Variants in MINDY2 observed in about 807,000 individuals in gnomAD.
The protein encoded by MINDY2 is MINDY lysine 48 deubiquitinase 2, also known as ubiquitin carboxyl-terminal hydrolase MINDY-2.
MINDY2 carries 52 observed loss-of-function variants against 68.2 expected under a neutral mutation model. That is an observed-to-expected ratio of 0.76 (90% CI 0.61 to 0.96). The LOEUF is 0.96. Ranked by LOEUF, MINDY2 falls within the 40% of genes least tolerant of loss-of-function variation. MINDY2 has a pLI of 0.00. For synonymous variants in MINDY2, 372 were observed against 303.0 expected (o/e 1.23, Z -2.36); for missense variants, 881 against 773.4 (o/e 1.14, Z -1.65).
intron 6 of MINDY2, among the ~76,000 whole-genome samples, chr15:58,833,114 T>C (rs2031821612): frequency 6.6e-6 from 1 of 152,204 alleles, no homozygotes. Flanking sequence ...GTTCAGAAGT[T>C]TGTCAACTTA....
At chr15:58,783,132 G>A (rs1397284597) in intron 1 of MINDY2, among the ~76,000 whole-genome samples, 1 of 151,760 alleles carries the variant, frequency 6.6e-6, no homozygotes, top group Non-Finnish European at 1.5e-5. Context: ...TGTTAGCCAG[G>A]CTGGTCTTGA....
intron 6 of MINDY2, among the ~76,000 whole-genome samples, chr15:58,843,007 A>G (rs922410237): frequency 3.9e-5 from 6 of 152,212 alleles, no homozygotes; most frequent in Non-Finnish European, 5.9e-5. Flanking sequence ...TAGGAGTAGT[A>G]ATTTCATTTT....
intron 5 of MINDY2, among the ~76,000 whole-genome samples, chr15:58,826,800 T>C (rs1953070151): frequency 6.6e-6 from 1 of 152,168 alleles, no homozygotes; most frequent in Middle Eastern, 3.2e-3. Context: ...CATTTAGTTG[T>C]CACATCTCTT....
At chr15:58,772,795 G>A (rs1595691590) in intron 1 of MINDY2, among the ~76,000 whole-genome samples, 1 of 152,112 alleles carries the variant, frequency 6.6e-6, no homozygotes, top group Admixed American at 6.5e-5. Flanking sequence ...TAACTTCTTG[G>A]TTTTCAAAGA....
rs1028449811 is a variant in MINDY2 at position 58,859,031 on chromosome 15, C to G, written c.*4421C>G. On this transcript the variant is annotated 3_prime_UTR_variant, in exon 9 of 9. Coordinates refer to ENST00000559228, the MANE Select transcript of MINDY2 (RefSeq NM_001040450.3). ...TTAATTTATCACAAATATTACACATCCTATGTTCTTGAATGTGCACACTTT... is the reference window on the plus strand; with the variant it reads ...TTAATTTATCACAAATATTACACATGCTATGTTCTTGAATGTGCACACTTT... 5 of 152,026 alleles carry G rather than the reference C, an allele frequency of 3.3e-5. No individual in the cohort carries two copies. Among genetic ancestry groups the G allele is most frequent in the Admixed American group, 1.3e-4 (2 of 15,266 alleles). The allele number at this position is 152,026 out of a possible 1,614,324, so 9.4% of individuals were successfully genotyped here. A position where few individuals can be genotyped will look rare whatever the true frequency, so the allele number is the denominator to read the frequency against.
chr15:58,801,559 A>G (rs1902663199), intron 2 of MINDY2, among the ~76,000 whole-genome samples: 2 of 152,174 alleles, frequency 1.3e-5, no homozygotes, highest in Non-Finnish European at 2.9e-5. Context: ...GTTGCCACAT[A>G]TACCAAAAGG....
At chr15:58,794,358 G>GGGGTGT (rs1555429190) in intron 2 of MINDY2, among the ~76,000 whole-genome samples, 72 of 139,180 alleles carry the variant, frequency 5.2e-4, no homozygotes, top group Admixed American at 3.3e-3. Flanking sequence ...TTTTTTTTGG[G>GGGGTGT]GTGTGTGTGT....
intron 1 of MINDY2, among the ~76,000 whole-genome samples, chr15:58,774,838 T>C (rs943553678): frequency 2.0e-5 from 3 of 152,158 alleles, no homozygotes; most frequent in Non-Finnish European, 2.9e-5. Flanking sequence ...GTAAACGAAA[T>C]GGTGGTAATA....
intron 1 of MINDY2, among the ~76,000 whole-genome samples, chr15:58,782,909 C>CTTTTTTTT (rs1319309591): frequency 1.5e-5 from 1 of 65,986 alleles, no homozygotes; most frequent in Non-Finnish European, 3.2e-5. Context: ...TTTTTTCTCT[C>CTTTTTTTT]TGTTTTTTTT....
intron 2 of MINDY2, among the ~76,000 whole-genome samples, chr15:58,795,147 G>C (rs1310303444): frequency 6.6e-6 from 1 of 151,668 alleles, no homozygotes; most frequent in Admixed American, 6.6e-5. Context: ...CTGCACTCCA[G>C]CCTGGGCACC....
At chr15:58,784,579 G>C (rs1648532) in intron 1 of MINDY2, among the ~76,000 whole-genome samples, 74,213 of 149,810 alleles carry the variant, frequency 0.5, 21,124 homozygotes, top group East Asian at 0.84. Flanking sequence ...ATAGGTCATA[G>C]TTGATTTGTC....
At chr15:58,794,672 G>C (rs1902165471) in intron 2 of MINDY2, among the ~76,000 whole-genome samples, 1 of 152,054 alleles carries the variant, frequency 6.6e-6, no homozygotes, top group Non-Finnish European at 1.5e-5. Context: ...ATTCCACTTT[G>C]AGGTTCACTG....
intron 2 of MINDY2, among the ~76,000 whole-genome samples, chr15:58,797,588 AT>A (rs1223075967): frequency 6.6e-6 from 1 of 152,180 alleles, no homozygotes; most frequent in Middle Eastern, 3.2e-3. Context: ...TTAAAATTAC[AT>A]TTGAGCTCAA....
At chr15:58,846,444 T>C (rs989484607) in intron 6 of MINDY2, among the ~76,000 whole-genome samples, 2 of 151,834 alleles carry the variant, frequency 1.3e-5, no homozygotes, top group Admixed American at 6.6e-5. Context: ...ATACAAAAAA[T>C]TAGCTGGGCA....
rs753541761 is a variant in MINDY2 at position 58,771,604 on chromosome 15, C to T, written c.209C>T (p.Ala70Val). 1 of 1,611,948 alleles carries T rather than the reference C, an allele frequency of 6.2e-7. No individual in the cohort carries two copies. Among genetic ancestry groups the T allele is most frequent in the South Asian group, 1.1e-5 (1 of 91,058 alleles). ...RRSLPDSASP[A>V]GSPEVPGPCS... ...AGCCTCCCGGACTCGGCTTCTCCCG[C>T]GGGCTCTCCTGAGGTTCCCGGACCC... Residue 70 changes from alanine to valine, a missense_variant, in exon 1 of 9, where the codon GCG (alanine) becomes GTG (valine). Transcript: ENST00000559228.
At chr15:58,803,567 A>C (rs1201120443) in intron 3 of MINDY2, among the ~76,000 whole-genome samples, 1 of 152,156 alleles carries the variant, frequency 6.6e-6, no homozygotes, top group Non-Finnish European at 1.5e-5. Context: ...CTATAATCCC[A>C]GCACTTTGGG....
intron 1 of MINDY2, among the ~76,000 whole-genome samples, chr15:58,782,928 T>G (rs887138435): frequency 2.3e-5 from 3 of 129,446 alleles, no homozygotes; most frequent in African/African-American, 8.5e-5. Flanking sequence ...TTTTTTTTTT[T>G]TTTTTTTTTG....
intron 2 of MINDY2, among the ~76,000 whole-genome samples, chr15:58,789,456 ATT>A (rs769561046): frequency 6.8e-6 from 1 of 146,188 alleles, no homozygotes; most frequent in Admixed American, 6.9e-5. Flanking sequence ...ATTTTAGAAG[ATT>A]TTTTTTTTTT....
chr15:58,793,547 G>A (rs1216407905), intron 2 of MINDY2, among the ~76,000 whole-genome samples: 2 of 152,148 alleles, frequency 1.3e-5, no homozygotes, highest in Non-Finnish European at 2.9e-5. Context: ...TAATTGAATT[G>A]TACATTTTAA....
Sources: gnomAD v4.1 joint callset for allele counts (sites outside exome capture counted in the v4.1 genomes callset) on GRCh38, gnomAD v4.1.1 for gene constraint, MANE v1.5 for transcripts, NCBI Gene and HGNC (gene_info 2026-07-23, HGNC 2026-07-21) for gene names.